Variants in AGBL1 observed in about 807,000 individuals in gnomAD.
AGBL1 encodes AGBL carboxypeptidase 1.
In AGBL1, 130 loss-of-function variants were observed where a neutral mutation model predicts 118.9. The ratio of observed to expected loss-of-function variants is 1.09; its 90% CI spans 0.95 to 1.26. The LOEUF (loss-of-function observed/expected upper bound fraction) is 1.26. Ranked by LOEUF, AGBL1 falls within the 50% of genes most tolerant of loss-of-function variation. AGBL1 has a pLI of 0.00. For synonymous variants in AGBL1, 555 were observed against 478.9 expected (o/e 1.16, Z -2.08); for missense variants, 1,584 against 1,298.1 (o/e 1.22, Z -3.38).
At chr15:86,958,767 G>T (rs1246505494) in intron 23 of AGBL1, among the ~76,000 whole-genome samples, 1 of 152,114 alleles carries the variant, frequency 6.6e-6, no homozygotes, top group Admixed American at 6.6e-5. Flanking sequence ...GATTGTAATA[G>T]CAAAAGCATG....
chr15:86,903,024 T>G (rs1193517974), intron 22 of AGBL1, among the ~76,000 whole-genome samples: 1 of 152,166 alleles, frequency 6.6e-6, no homozygotes, highest in Non-Finnish European at 1.5e-5. Flanking sequence ...GGGACAATGG[T>G]GAAATGAAGA....
intron 21 of AGBL1, among the ~76,000 whole-genome samples, chr15:86,645,320 GTGAAAAATT>G (rs1235453873): frequency 1.3e-5 from 2 of 152,316 alleles, no homozygotes; most frequent in East Asian, 3.9e-4. Flanking sequence ...GTGGCAAAAT[GTGAAAAATT>G]GGGGAAGGAC....
chr15:86,585,217 C>A (rs1408376425), intron 21 of AGBL1, among the ~76,000 whole-genome samples: 2 of 151,964 alleles, frequency 1.3e-5, no homozygotes, highest in Non-Finnish European at 2.9e-5. Context: ...TTCCTCAGAA[C>A]TGGAAGTTTT....
At chr15:86,242,760 G>A (rs1183316851) in intron 6 of AGBL1, among the ~76,000 whole-genome samples, 2 of 152,216 alleles carry the variant, frequency 1.3e-5, no homozygotes, top group African/African-American at 4.8e-5. Flanking sequence ...GGGAAATAAA[G>A]AGCAGTGATA....
At chr15:86,775,232 T>C (rs1336708485) in intron 22 of AGBL1, among the ~76,000 whole-genome samples, 1 of 152,094 alleles carries the variant, frequency 6.6e-6, no homozygotes, top group East Asian at 1.9e-4. Flanking sequence ...AGACAGAAAG[T>C]GATGGTGGCT....
chr15:86,212,034 A>G (rs947920920), intron 5 of AGBL1, among the ~76,000 whole-genome samples: 2 of 152,228 alleles, frequency 1.3e-5, no homozygotes, highest in South Asian at 2.1e-4. Flanking sequence ...TCTCTTTAAA[A>G]AAAGGCTTGT....
At chr15:86,130,327 T>C (rs1406224937) in intron 1 of AGBL1, among the ~76,000 whole-genome samples, 2 of 152,110 alleles carry the variant, frequency 1.3e-5, no homozygotes, top group Non-Finnish European at 2.9e-5. Context: ...TTTTTTAAAT[T>C]TTATTATTAT....
intron 15 of AGBL1, among the ~76,000 whole-genome samples, chr15:86,276,759 A>G (rs1206774331): frequency 6.6e-6 from 1 of 152,226 alleles, no homozygotes; most frequent in Non-Finnish European, 1.5e-5. Flanking sequence ...ACATGGGAAC[A>G]ATTTAACATA....
At chr15:86,748,563 T>G in intron 22 of AGBL1, among the ~76,000 whole-genome samples, 1 of 140,628 alleles carries the variant, frequency 7.1e-6, no homozygotes, top group African/African-American at 2.6e-5. Context: ...GCTTTTGGTG[T>G]TTTAGAGATG....
At chr15:86,094,950 GA>G (rs1445894521) in intron 1 of AGBL1, among the ~76,000 whole-genome samples, 1 of 152,160 alleles carries the variant, frequency 6.6e-6, no homozygotes, top group Non-Finnish European at 1.5e-5. Context: ...CCAATCACCT[GA>G]AACTTCCGAC....
chr15:86,477,521 G>T (rs1228809642), intron 18 of AGBL1, among the ~76,000 whole-genome samples: 3 of 152,138 alleles, frequency 2.0e-5, no homozygotes, highest in Non-Finnish European at 4.4e-5. Context: ...ACCCTCCCAA[G>T]ACTAAACCAG....
intron 24 of AGBL1, among the ~76,000 whole-genome samples, chr15:87,021,181 C>G (rs1034022238): frequency 3.9e-5 from 6 of 152,064 alleles, no homozygotes; most frequent in African/African-American, 1.4e-4. Context: ...GAGTAGAGAA[C>G]TCAGAAATAA....
At chr15:86,873,961 A>G (rs755546773) in intron 22 of AGBL1, among the ~76,000 whole-genome samples, 24 of 152,164 alleles carry the variant, frequency 1.6e-4, no homozygotes, top group Non-Finnish European at 2.5e-4. Flanking sequence ...CCTAGGTTCA[A>G]AACTTGGCTC....
chr15:86,189,841 C>T (rs1055116990), intron 5 of AGBL1, among the ~76,000 whole-genome samples: 20 of 152,244 alleles, frequency 1.3e-4, no homozygotes, highest in African/African-American at 2.4e-4. Context: ...GATGTAGAAG[C>T]GCAAATGCTT....
chr15:86,174,597 CTTTTATTATGTTTCTTATG>C (rs71144031), intron 5 of AGBL1, among the ~76,000 whole-genome samples: 27,360 of 149,726 alleles, frequency 0.18, 3,045 homozygotes, highest in Non-Finnish European at 0.23. Flanking sequence ...TCACATGTGG[CTTTTATTATGTTTCTTATG>C]TTTTATTATG....
intron 1 of AGBL1, among the ~76,000 whole-genome samples, chr15:86,132,175 T>C (rs2076829086): frequency 6.6e-6 from 1 of 152,108 alleles, no homozygotes; most frequent in Non-Finnish European, 1.5e-5. Flanking sequence ...GGTCGAATCA[T>C]TCCTGCTTCA....
intron 21 of AGBL1, among the ~76,000 whole-genome samples, chr15:86,617,799 G>C (rs1335691354): frequency 2.0e-5 from 3 of 150,362 alleles, no homozygotes; most frequent in Non-Finnish European, 4.4e-5. Context: ...CACACAGCCA[G>C]CCAGAGCGAG....
chr15:86,546,966 C>G (rs1313486277), intron 20 of AGBL1, among the ~76,000 whole-genome samples: 1 of 152,138 alleles, frequency 6.6e-6, no homozygotes, highest in Non-Finnish European at 1.5e-5. Flanking sequence ...ATAGCTTCAT[C>G]CCCAGGGTTA....
chr15:86,278,292 G>T (rs2003223), intron 15 of AGBL1, among the ~76,000 whole-genome samples: 111,661 of 152,072 alleles, frequency 0.73, 42,062 homozygotes, highest in African/African-American at 0.9. Flanking sequence ...GACAGCCACT[G>T]GGGGCTTATG....
Sources: allele counts gnomAD v4.1 joint callset (sites outside exome capture counted in the v4.1 genomes callset), GRCh38; gene constraint gnomAD v4.1.1; transcripts MANE v1.5; gene names NCBI Gene and HGNC (gene_info 2026-07-23, HGNC 2026-07-21).